The following IQCM variants were observed in gnomAD, a reference collection of about 807,000 sequenced individuals.
IQCM encodes IQ domain-containing protein M.
In IQCM, 45 loss-of-function variants were observed where a neutral mutation model predicts 57.6. That is an observed-to-expected ratio of 0.78 (90% CI 0.62 to 1.00). The LOEUF is 1.00. Ranked by LOEUF, IQCM falls within the 50% of genes least tolerant of loss-of-function variation. The pLI, the probability that IQCM is intolerant of heterozygous loss-of-function variation, is 0.00. For synonymous variants in IQCM, 148 were observed against 158.9 expected (o/e 0.93, Z 0.51); for missense variants, 468 against 511.6 (o/e 0.91, Z 0.82).
At chr4:149,361,052 C>T (rs4594703) in intron 13 of IQCM, among the ~76,000 whole-genome samples, 152,295 of 152,306 alleles carry the variant, frequency 1, 76,142 homozygotes, top group Middle Eastern at 1. Flanking sequence ...GATGAGGAAG[C>T]TGTTGGGAAC....
chr4:149,713,529 C>T (rs750476395), intron 5 of IQCM, among the ~76,000 whole-genome samples: 1 of 152,156 alleles, frequency 6.6e-6, no homozygotes, highest in Non-Finnish European at 1.5e-5. Context: ...TCATCCTCCA[C>T]TTCTCAGTCC....
intron 12 of IQCM, among the ~76,000 whole-genome samples, chr4:149,493,865 GA>G (rs1284058010): frequency 7.1e-6 from 1 of 141,446 alleles, no homozygotes; most frequent in Non-Finnish European, 1.5e-5. Context: ...GGACTACAGG[GA>G]AAGGAATCTG....
chr4:149,600,928 A>T (rs1253806774), intron 8 of IQCM, among the ~76,000 whole-genome samples: 1 of 152,290 alleles, frequency 6.6e-6, no homozygotes, highest in East Asian at 1.9e-4. Flanking sequence ...TTATTTGAGA[A>T]TGTATTTCTA....
intron 2 of IQCM, among the ~76,000 whole-genome samples, chr4:149,809,974 C>T (rs1774408893): frequency 6.6e-6 from 1 of 152,112 alleles, no homozygotes; most frequent in South Asian, 2.1e-4. Context: ...GTCTGATTAG[C>T]ACATTTCCAG....
intron 13 of IQCM, among the ~76,000 whole-genome samples, chr4:149,382,299 A>C (rs1465940209): frequency 6.6e-6 from 1 of 152,122 alleles, no homozygotes; most frequent in African/African-American, 2.4e-5. Context: ...AAATGGCTGA[A>C]TTATACAAAC....
At chr4:149,537,098 A>G (rs1194002701) in intron 12 of IQCM, among the ~76,000 whole-genome samples, 2 of 152,044 alleles carry the variant, frequency 1.3e-5, no homozygotes, top group African/African-American at 4.8e-5. Context: ...ACCCATACTT[A>G]TATGAAAAGG....
chr4:149,530,123 T>C (rs957843842), intron 12 of IQCM, among the ~76,000 whole-genome samples: 5 of 152,128 alleles, frequency 3.3e-5, no homozygotes, highest in Admixed American at 3.3e-4. Flanking sequence ...CAAACAATTA[T>C]TCTGATCACC....
intron 7 of IQCM, among the ~76,000 whole-genome samples, chr4:149,661,340 GC>G (rs1410332750): frequency 6.6e-6 from 1 of 152,100 alleles, no homozygotes; most frequent in African/African-American, 2.4e-5. Flanking sequence ...TTTTTAATGT[GC>G]TGTTGGATTT....
At chr4:149,806,636 C>A (rs924868822) in intron 2 of IQCM, among the ~76,000 whole-genome samples, 4 of 151,860 alleles carry the variant, frequency 2.6e-5, no homozygotes, top group African/African-American at 4.8e-5. Context: ...ATAAGTAAGT[C>A]CCTGGTTACA....
At chr4:149,747,388 C>A (rs1415205589) in intron 2 of IQCM, among the ~76,000 whole-genome samples, 1 of 152,188 alleles carries the variant, frequency 6.6e-6, no homozygotes, top group Non-Finnish European at 1.5e-5. Context: ...AACCTATGCA[C>A]ACCCTCCCAT....
At chr4:149,519,845 A>C (rs897305645) in intron 12 of IQCM, among the ~76,000 whole-genome samples, 3 of 151,634 alleles carry the variant, frequency 2.0e-5, no homozygotes, top group African/African-American at 2.4e-5. Flanking sequence ...TCTACTAAAA[A>C]TACAAAAAAA....
At chr4:149,407,245 T>C (rs1482504549) in intron 13 of IQCM, among the ~76,000 whole-genome samples, 2 of 152,130 alleles carry the variant, frequency 1.3e-5, no homozygotes, top group African/African-American at 4.8e-5. Context: ...CTAAACCATA[T>C]CACAGTCTAA....
intron 12 of IQCM, among the ~76,000 whole-genome samples, chr4:149,439,749 G>A (rs1396543812): frequency 1.3e-5 from 2 of 151,982 alleles, no homozygotes. Context: ...AAAGACTAAA[G>A]ATAAATGCTC....
At chr4:149,386,112 G>A (rs1456298621) in intron 13 of IQCM, among the ~76,000 whole-genome samples, 1 of 152,038 alleles carries the variant, frequency 6.6e-6, no homozygotes, top group Non-Finnish European at 1.5e-5. Context: ...ATTGGTTAGT[G>A]CTCCATCTTG....
rs562936551 is a variant in IQCM, at chr4:149,792,688, G to A, written c.-49+22623C>T. On this transcript the variant is annotated intron_variant, in intron 2 of 13. Coordinates refer to ENST00000636793, the MANE Select transcript of IQCM (RefSeq NM_001363507.2). ...TCTTCATTTACCTTCTTTAGTATTC[G>A]ACGTGTTTATAAACAGAAGCCATAA... Among the ~76,000 whole-genome samples the A allele has an allele frequency of 1.2e-3, 188 of 152,070 alleles. 4 individuals are homozygous for A. The South Asian group carries it at 0.035, about 28-fold the overall frequency.
chr4:149,696,253 C>G (rs1763332853), intron 5 of IQCM, among the ~76,000 whole-genome samples: 2 of 152,094 alleles, frequency 1.3e-5, no homozygotes, highest in Admixed American at 1.3e-4. Flanking sequence ...CAGCTTTTTG[C>G]TGAACCTTTA....
chr4:149,788,022 A>G (rs1373723739), intron 2 of IQCM, among the ~76,000 whole-genome samples: 1 of 152,256 alleles, frequency 6.6e-6, no homozygotes, highest in Non-Finnish European at 1.5e-5. Flanking sequence ...AAGGACGTGA[A>G]TAGACATTTT....
chr4:149,751,864 G>C (rs188854758), intron 2 of IQCM, among the ~76,000 whole-genome samples: 15 of 152,104 alleles, frequency 9.9e-5, no homozygotes, highest in Non-Finnish European at 2.9e-5. Flanking sequence ...AAAGAACAGA[G>C]AACACAAAGA....
chr4:149,426,254 G>A (rs560088849), intron 13 of IQCM, among the ~76,000 whole-genome samples: 1 of 152,078 alleles, frequency 6.6e-6, no homozygotes, highest in Non-Finnish European at 1.5e-5. Flanking sequence ...GTCAGTGGGA[G>A]TTCCTGGTTT....
Sources: allele counts gnomAD v4.1 joint callset (sites outside exome capture counted in the v4.1 genomes callset), GRCh38; gene constraint gnomAD v4.1.1; transcripts MANE v1.5; gene names NCBI Gene and HGNC (gene_info 2026-07-23, HGNC 2026-07-21).